The following PLEKHA5 variants were observed in gnomAD, a reference collection of about 807,000 sequenced individuals.
The protein encoded by PLEKHA5 is pleckstrin homology domain-containing family A member 5.
PLEKHA5 carries 55 observed loss-of-function variants against 181.9 expected under a neutral mutation model. The observed-to-expected ratio is 0.30, with a 90% CI of 0.24 to 0.38. PLEKHA5 has a LOEUF of 0.38. PLEKHA5 is among the 10% of genes least tolerant of loss of function. The pLI is 1.00. For missense variants in PLEKHA5, 1,432 were observed against 1,549.5 expected (o/e 0.92, Z 1.27); for synonymous variants, 535 against 529.4 (o/e 1.01, Z -0.15).
intron 3 of PLEKHA5, among the ~76,000 whole-genome samples, chr12:19,215,114 T>G (rs1592091184): frequency 6.6e-6 from 1 of 152,174 alleles, no homozygotes; most frequent in South Asian, 2.1e-4. Context: ...GAGGCAGAGG[T>G]TGCAGTGAGC....
In PLEKHA5 at chr12:19,130,286, G is replaced by A. The variant is rs1162079908; in HGVS notation, c.169+156G>A. Among the ~76,000 whole-genome samples the A allele has an allele frequency of 6.6e-6, 1 of 151,924 alleles. No homozygotes were observed. Among genetic ancestry groups the A allele is most frequent in the African/African-American group, 2.4e-5 (1 of 41,402 alleles). ...GAGCGGCCGCAGGTAGAGGGGCCACGGGGACTCCGCCGCCGGGAGTTCTCT... is the reference window on the plus strand; with the variant it reads ...GAGCGGCCGCAGGTAGAGGGGCCACAGGGACTCCGCCGCCGGGAGTTCTCT... On this transcript the variant is annotated intron_variant, in intron 2 of 31. Coordinates refer to ENST00000429027, the MANE Select transcript of PLEKHA5 (RefSeq NM_001256470.2). The surrounding 1 kb of genome is among the most constrained non-coding windows in gnomAD (Gnocchi z 4.5).
At chr12:19,196,309 A>T (rs139749266) in intron 3 of PLEKHA5, among the ~76,000 whole-genome samples, 39 of 152,348 alleles carry the variant, frequency 2.6e-4, no homozygotes, top group African/African-American at 8.7e-4. Context: ...TAGATTTTTC[A>T]TAGGTCTTTA....
At chr12:19,267,664 C>G (rs1488486776) in intron 8 of PLEKHA5, among the ~76,000 whole-genome samples, 2 of 139,810 alleles carry the variant, frequency 1.4e-5, no homozygotes, top group Admixed American at 7.3e-5. Context: ...CCTCCCTCCC[C>G]CAACCCCCCA....
chr12:19,217,442 G>A (rs2058166116), intron 3 of PLEKHA5, among the ~76,000 whole-genome samples: 1 of 152,200 alleles, frequency 6.6e-6, no homozygotes, highest in African/African-American at 2.4e-5. Flanking sequence ...TACGGCCTGA[G>A]CACATAAATG....
intron 5 of PLEKHA5, among the ~76,000 whole-genome samples, chr12:19,255,437 G>A (rs1336340083): frequency 6.6e-6 from 1 of 151,960 alleles, no homozygotes; most frequent in Admixed American, 6.6e-5. Context: ...GATTATTCAT[G>A]TAATAGCCTA....
intron 24 of PLEKHA5, among the ~76,000 whole-genome samples, chr12:19,348,004 T>C (rs2094423715): frequency 6.6e-6 from 1 of 151,658 alleles, no homozygotes; most frequent in Non-Finnish European, 1.5e-5. Context: ...TGCCTCAGCC[T>C]TCTGAATGGC....
At chr12:19,286,899 G>A (rs1421653783) in intron 12 of PLEKHA5, among the ~76,000 whole-genome samples, 1 of 151,126 alleles carries the variant, frequency 6.6e-6, no homozygotes, top group Non-Finnish European at 1.5e-5. Flanking sequence ...CCAGGAGGTG[G>A]AGGTTGCAGT....
At chr12:19,155,533 A>G (rs1183753421) in intron 3 of PLEKHA5, among the ~76,000 whole-genome samples, 1 of 152,170 alleles carries the variant, frequency 6.6e-6, no homozygotes, top group Non-Finnish European at 1.5e-5. Flanking sequence ...AATCATCGGT[A>G]TTAGGGCTTT....
intron 3 of PLEKHA5, among the ~76,000 whole-genome samples, chr12:19,166,204 GA>G (rs904347838): frequency 6.6e-6 from 1 of 152,022 alleles, no homozygotes; most frequent in African/African-American, 2.4e-5. Flanking sequence ...TATAAAAGGG[GA>G]AAAAAGTTTT....
intron 24 of PLEKHA5, among the ~76,000 whole-genome samples, 183 bp downstream of exon 24, chr12:19,347,365 C>T (rs1302156162): frequency 6.6e-6 from 1 of 150,702 alleles, no homozygotes; most frequent in Non-Finnish European, 1.5e-5. Context: ...TTTTGCTATT[C>T]TCATTTTTAA....
Position 19,353,928 on chromosome 12 carries a change from C to G in PLEKHA5, c.3064C>G (p.Pro1022Ala). The change falls in exon 26 of 32, where the codon CCA (proline) becomes GCA (alanine). Residue 1022 changes from proline (P) to alanine (A), a missense_variant. Physicochemically the swap from Pro to Ala is conservative, Grantham distance 27. This residue lies in a region of PLEKHA5 where 1,143 missense variants were observed against 1,168.4 expected (regional missense o/e 0.98). Transcript: ENST00000429027. ...VGVVPPRAKS[P>A]TPESSTIASY... ...AGTAGTCCCTCCAAGAGCAAAATCA[C>G]CAACACCCGAATCTTCGACAATAGC... 1.9e-6 allele frequency: 3 copies of G among 1,611,402 alleles called. No homozygotes were observed. The highest frequency in any genetic ancestry group is 2.5e-6 in the Non-Finnish European group (3 of 1,177,708).
chr12:19,188,470 T>C (rs370530131), intron 3 of PLEKHA5, among the ~76,000 whole-genome samples: 1 of 152,242 alleles, frequency 6.6e-6, no homozygotes, highest in Admixed American at 6.5e-5. Flanking sequence ...TATAGGAAGA[T>C]AAGAATTTAA....
chr12:19,331,270 G>A (rs2092803576), intron 20 of PLEKHA5, among the ~76,000 whole-genome samples: 1 of 152,174 alleles, frequency 6.6e-6, no homozygotes, highest in Admixed American at 6.5e-5. Context: ...ATTCCCTTGA[G>A]TAGATTTTGT....
intron 21 of PLEKHA5, among the ~76,000 whole-genome samples, chr12:19,339,702 A>G (rs1480587544): frequency 6.6e-6 from 1 of 152,184 alleles, no homozygotes; most frequent in Non-Finnish European, 1.5e-5. Flanking sequence ...AAAAAAAATA[A>G]AAGAATGAGA....
chr12:19,307,835 A>G (rs574181513), intron 15 of PLEKHA5, among the ~76,000 whole-genome samples: 2 of 152,094 alleles, frequency 1.3e-5, no homozygotes, highest in South Asian at 2.1e-4. Context: ...CAGAGAGACA[A>G]CAACGAAGAA....
intron 3 of PLEKHA5, among the ~76,000 whole-genome samples, chr12:19,133,748 T>C (rs1050987437): frequency 2.0e-5 from 3 of 152,000 alleles, no homozygotes; most frequent in African/African-American, 7.2e-5. Flanking sequence ...TGGTATGGTC[T>C]TTCTGTGAAT....
intron 3 of PLEKHA5, among the ~76,000 whole-genome samples, chr12:19,134,883 G>A (rs1350266400): frequency 1.3e-5 from 2 of 152,140 alleles, no homozygotes; most frequent in African/African-American, 2.4e-5. Flanking sequence ...GGAGTCTGAA[G>A]TAGGAAAGTG....
At chr12:19,191,625 A>G (rs2051139021) in intron 3 of PLEKHA5, among the ~76,000 whole-genome samples, 1 of 152,222 alleles carries the variant, frequency 6.6e-6, no homozygotes, top group East Asian at 1.9e-4. Context: ...TCACCTCTAA[A>G]CATAATGCAA....
At chr12:19,242,471 C>T (rs1418496799) in intron 3 of PLEKHA5, among the ~76,000 whole-genome samples, 1 of 152,108 alleles carries the variant, frequency 6.6e-6, no homozygotes, top group Non-Finnish European at 1.5e-5. Context: ...AAACTCCTGA[C>T]CTCAGGTGAT....
Sources: allele counts gnomAD v4.1 joint callset (sites outside exome capture counted in the v4.1 genomes callset), GRCh38; gene constraint gnomAD v4.1.1; regional missense constraint gnomAD v4.1.1; non-coding constraint Gnocchi (gnomAD v3.1); transcripts MANE v1.5; gene names NCBI Gene and HGNC (gene_info 2026-07-23, HGNC 2026-07-21).